Variants in CCDC178 observed in about 807,000 individuals in gnomAD.
The protein encoded by CCDC178 is coiled-coil domain containing 178.
In CCDC178, 126 loss-of-function variants were observed where a neutral mutation model predicts 117.4. The observed-to-expected ratio is 1.07, with a 90% CI of 0.93 to 1.24. The LOEUF is 1.24. CCDC178 is among the 50% of genes most tolerant of loss of function. The probability of loss-of-function intolerance (pLI) is 0.00; values close to 1 mark genes in which losing one functional copy is unlikely to be tolerated. For missense variants in CCDC178, 1,030 were observed against 986.9 expected, an observed-to-expected ratio of 1.04 and a Z score of -0.59; for synonymous variants, 283 against 313.4, an observed-to-expected ratio of 0.90 and a Z score of 1.02.
intron 20 of CCDC178, among the ~76,000 whole-genome samples, chr18:33,200,396 C>T (rs980477282): frequency 1.3e-5 from 2 of 152,166 alleles, no homozygotes; most frequent in African/African-American, 2.4e-5. Context: ...GAAACATCTG[C>T]GAAGTTTAGT....
At chr18:33,240,746 T>G (rs539895787) in intron 15 of CCDC178, among the ~76,000 whole-genome samples, 1 of 152,102 alleles carries the variant, frequency 6.6e-6, no homozygotes, top group East Asian at 1.9e-4. Flanking sequence ...CAGGACTAGA[T>G]GTCTTCACTG....
chr18:32,953,413 A>C (rs1337507058), intron 22 of CCDC178, among the ~76,000 whole-genome samples: 4 of 152,156 alleles, frequency 2.6e-5, no homozygotes, highest in Non-Finnish European at 4.4e-5. Context: ...AGGAATTTCC[A>C]AACTTTCCAC....
At chr18:33,303,815 G>C (rs1044468948) in intron 11 of CCDC178, among the ~76,000 whole-genome samples, 5 of 152,142 alleles carry the variant, frequency 3.3e-5, no homozygotes, top group Admixed American at 6.5e-5. Context: ...GGAAATGCTT[G>C]TGAGAAAGGA....
At chr18:33,093,636 T>C (rs894742555) in intron 20 of CCDC178, among the ~76,000 whole-genome samples, 4 of 152,002 alleles carry the variant, frequency 2.6e-5, no homozygotes, top group Non-Finnish European at 4.4e-5. Context: ...GGGCTATCTA[T>C]AATTTTAAAT....
intron 20 of CCDC178, among the ~76,000 whole-genome samples, chr18:33,124,973 G>C (rs939284981): frequency 1.3e-5 from 2 of 152,114 alleles, no homozygotes; most frequent in African/African-American, 4.8e-5. Context: ...CTTAGTTTAT[G>C]CCTCAGTGTC....
At chr18:33,062,845 TC>T (rs1227426067) in intron 21 of CCDC178, among the ~76,000 whole-genome samples, 2 of 152,000 alleles carry the variant, frequency 1.3e-5, no homozygotes, top group Admixed American at 1.3e-4. Flanking sequence ...CACTGATATC[TC>T]CCCACATTCA....
chr18:33,034,313 T>C (rs1310034018), intron 21 of CCDC178, among the ~76,000 whole-genome samples: 1 of 152,032 alleles, frequency 6.6e-6, no homozygotes, highest in Non-Finnish European at 1.5e-5. Context: ...TAATACAGTC[T>C]ACACAATTGC....
chr18:33,401,622 T>C (rs1401775072), intron 3 of CCDC178, among the ~76,000 whole-genome samples: 1 of 152,046 alleles, frequency 6.6e-6, no homozygotes, highest in East Asian at 1.9e-4. Flanking sequence ...CAAAATATAT[T>C]AAAATTATAA....
At chr18:33,391,180 A>C (rs867625495) in intron 4 of CCDC178, among the ~76,000 whole-genome samples, 27 of 151,816 alleles carry the variant, frequency 1.8e-4, no homozygotes, top group African/African-American at 6.3e-4. Flanking sequence ...CTGAAAAAGA[A>C]AACTTGATGT....
At chr18:33,386,850 T>C (rs2063499842) in intron 5 of CCDC178, among the ~76,000 whole-genome samples, 1 of 152,100 alleles carries the variant, frequency 6.6e-6, no homozygotes, top group Non-Finnish European at 1.5e-5. Flanking sequence ...CAACATAGTG[T>C]TGGAAGTTCT....
At chr18:32,954,574 G>C (rs1178274188) in intron 22 of CCDC178, 1 of 152,120 alleles carries the variant, frequency 6.6e-6, no homozygotes, top group Non-Finnish European at 1.5e-5. Context: ...CATGGTGGAA[G>C]TATGAAAAAA....
chr18:32,941,645 A>G lies in CCDC178; in HGVS notation c.2524-3554T>C, dbSNP rs112903467. On this transcript the variant is annotated intron_variant, in intron 22 of 22. Coordinates refer to ENST00000383096, the MANE Select transcript of CCDC178 (RefSeq NM_001105528.4). ...AGAAAGCTAAAAGACCTGCTATTTCATCTTTTAGATAAGAGTGACACTTGA... is the reference window on the plus strand; with the variant it reads ...AGAAAGCTAAAAGACCTGCTATTTCGTCTTTTAGATAAGAGTGACACTTGA... Among the ~76,000 whole-genome samples, 232 of 152,302 alleles carry G rather than the reference A, an allele frequency of 1.5e-3. 2 individuals are homozygous for G. Among genetic ancestry groups the G allele is most frequent in the African/African-American group, 5.4e-3 (223 of 41,570 alleles).
chr18:33,033,959 A>C (rs2144870043), intron 21 of CCDC178, among the ~76,000 whole-genome samples: 1 of 152,160 alleles, frequency 6.6e-6, no homozygotes, highest in South Asian at 2.1e-4. Flanking sequence ...GTATATATAT[A>C]AACATGTATA....
intron 6 of CCDC178, among the ~76,000 whole-genome samples, chr18:33,364,732 C>CTTTTT (rs34988094): frequency 1.8e-5 from 2 of 110,822 alleles, no homozygotes; most frequent in Admixed American, 9.4e-5. Flanking sequence ...GTTGTCGCTC[C>CTTTTT]TTTTTTTTTT....
At position 33,346,186 on chromosome 18, in the gene CCDC178, GTAATATAAAAATCCCTAT is replaced by G. The variant is rs757273601; in HGVS notation, c.658+7_658+24del. ...ATCTGTGCCCCCAACAGAATAAGAAGTAATATAAAAATCCCTATTATTACCTTTCTGCACAGCCAATGG... is the reference window on the plus strand; with the variant it reads ...ATCTGTGCCCCCAACAGAATAAGAAGTATTACCTTTCTGCACAGCCAATGG... On this transcript the variant is annotated splice_region_variant and intron_variant, in intron 9 of 22. Transcript: ENST00000383096. The G allele has an allele frequency of 2.6e-6, 4 of 1,524,022 alleles. No individual in the cohort carries two copies. Among genetic ancestry groups the G allele is most frequent in the East Asian group, 2.3e-5 (1 of 44,114 alleles). The allele number at this position is 1,524,022 out of a possible 1,614,324, so 94.4% of individuals were successfully genotyped here.
rs549038999 is a variant in CCDC178 at position 33,293,271 on chromosome 18, G to C, written c.1064C>G (p.Ser355Cys). The C allele has an allele frequency of 3.9e-6, 6 of 1,546,604 alleles. No homozygotes were observed. Among genetic ancestry groups the C allele is most frequent in the Non-Finnish European group, 5.3e-6 (6 of 1,122,590 alleles). ...YQLNSLFDHY[S>C]SSVINVNTNI... ...AGTATTAACATTTATCACTGATGAA[G>C]AGTAATGATCAAATAGACTGTTAAG... Residue 355 changes from serine (S) to cysteine (C), a missense_variant, in exon 12 of 23, where the codon TCT (serine) becomes TGT (cysteine). Physicochemically the swap from Ser to Cys is moderately radical, Grantham distance 112. Transcript: ENST00000383096.
At chr18:32,994,169 T>C (rs1784840743) in intron 21 of CCDC178, among the ~76,000 whole-genome samples, 4 of 148,294 alleles carry the variant, frequency 2.7e-5, no homozygotes, top group African/African-American at 7.8e-5. Context: ...CCCCCTCCAA[T>C]TGGTTACTAA....
intron 14 of CCDC178, among the ~76,000 whole-genome samples, chr18:33,263,680 C>T (rs1469353981): frequency 6.6e-6 from 1 of 152,010 alleles, no homozygotes; most frequent in Non-Finnish European, 1.5e-5. Context: ...AGACAGAGTG[C>T]TAAATAGAGA....
chr18:33,083,861 A>T (rs190593780), intron 21 of CCDC178, among the ~76,000 whole-genome samples: 3 of 152,138 alleles, frequency 2.0e-5, no homozygotes, highest in African/African-American at 7.2e-5. Flanking sequence ...GTTGATAAAA[A>T]CTCTTCTCAT....
Sources: gnomAD v4.1 joint callset for allele counts (sites outside exome capture counted in the v4.1 genomes callset) on GRCh38, gnomAD v4.1.1 for gene constraint, MANE v1.5 for transcripts, NCBI Gene and HGNC (gene_info 2026-07-23, HGNC 2026-07-21) for gene names.